UNC79: variants seen among roughly 807,000 people sequenced by gnomAD.
UNC79 encodes protein unc-79 homolog.
UNC79 carries 37 observed loss-of-function variants against 283.1 expected under a neutral mutation model. The ratio of observed to expected loss-of-function variants is 0.13; its 90% CI spans 0.10 to 0.17. The LOEUF is 0.17. Ranked by LOEUF, UNC79 falls within the 10% of genes least tolerant of loss-of-function variation. The probability of loss-of-function intolerance (pLI) is 1.00; values close to 1 mark genes in which losing one functional copy is unlikely to be tolerated. For synonymous variants in UNC79, 1,107 were observed against 1,200.2 expected, an observed-to-expected ratio of 0.92 and a Z score of 1.61; for missense variants, 2,272 against 3,211.1, an observed-to-expected ratio of 0.71 and a Z score of 7.07.
At chr14:93,506,412 G>A (rs968957466) in intron 7 of UNC79, among the ~76,000 whole-genome samples, 14 of 151,716 alleles carry the variant, frequency 9.2e-5, no homozygotes, top group African/African-American at 2.7e-4. Context: ...TAGTAGAGAC[G>A]GGATTTCACC....
rs78505493 is a variant in UNC79 at position 93,607,957 on chromosome 14, G to A, written c.3754+4539G>A. ...TTAAGATCCAGTAAGTCAGAGTACA[G>A]TTGTTTTTATAGGAATACTCTTGTT... On this transcript the variant is annotated intron_variant, in intron 26 of 48. Transcript: ENST00000555664. Among the ~76,000 whole-genome samples the A allele has an allele frequency of 6.3e-3, 954 of 152,310 alleles. 7 individuals carry two copies. The highest frequency in any genetic ancestry group is 0.022 in the African/African-American group (912 of 41,586).
At chr14:93,508,761 A>T (rs2059673115) in intron 7 of UNC79, among the ~76,000 whole-genome samples, 1 of 152,164 alleles carries the variant, frequency 6.6e-6, no homozygotes, top group African/African-American at 2.4e-5. Flanking sequence ...TTCAATTATT[A>T]GTTCTAGTAG....
intron 35 of UNC79, among the ~76,000 whole-genome samples, chr14:93,647,168 C>G (rs772816524): frequency 6.6e-6 from 1 of 152,164 alleles, no homozygotes; most frequent in Non-Finnish European, 1.5e-5. Flanking sequence ...TACAGAGAGA[C>G]TTATATAACA....
chr14:93,395,458 G>A (rs2054975274), intron 1 of UNC79, among the ~76,000 whole-genome samples: 1 of 152,178 alleles, frequency 6.6e-6, no homozygotes, highest in South Asian at 2.1e-4. Context: ...TGGAGCAGGA[G>A]AGAGAGCAAA....
chr14:93,441,553 A>T (rs1272872109), intron 1 of UNC79, among the ~76,000 whole-genome samples: 1 of 151,902 alleles, frequency 6.6e-6, no homozygotes, highest in Non-Finnish European at 1.5e-5. Flanking sequence ...GGTTAACTTT[A>T]TACTAAGACT....
intron 2 of UNC79, among the ~76,000 whole-genome samples, chr14:93,468,075 T>C (rs991427344): frequency 6.6e-6 from 1 of 152,022 alleles, no homozygotes; most frequent in East Asian, 1.9e-4. Flanking sequence ...TAATATAGAG[T>C]GGGATTAAAA....
At chr14:93,555,875 G>A (rs549710616) in intron 14 of UNC79, among the ~76,000 whole-genome samples, 1 of 152,320 alleles carries the variant, frequency 6.6e-6, no homozygotes, top group Admixed American at 6.5e-5. Context: ...GAGAAATGGT[G>A]TGAGTAAAAG....
At chr14:93,578,204 G>A (rs2063579041) in intron 18 of UNC79, 141 bp downstream of exon 18, 3 of 774,360 alleles carry the variant, frequency 3.9e-6, no homozygotes, top group East Asian at 5.4e-5. Flanking sequence ...AAACTCCTTT[G>A]GAGATTTTCT....
At chr14:93,588,891 C>CAGGAAGA (rs1333805762) in intron 22 of UNC79, among the ~76,000 whole-genome samples, 1 of 151,624 alleles carries the variant, frequency 6.6e-6, no homozygotes, top group Non-Finnish European at 1.5e-5. Flanking sequence ...GGGTGGAAAA[C>CAGGAAGA]AGGAAGAATA....
intron 1 of UNC79, among the ~76,000 whole-genome samples, chr14:93,391,118 T>A (rs1256741433): frequency 6.6e-6 from 1 of 152,090 alleles, no homozygotes; most frequent in Non-Finnish European, 1.5e-5. Context: ...TATAACTGAT[T>A]GACACAAAAA....
chr14:93,635,323 T>A (rs539202947), intron 31 of UNC79, among the ~76,000 whole-genome samples: 1 of 152,340 alleles, frequency 6.6e-6, no homozygotes, highest in East Asian at 1.9e-4. Context: ...TTCTGTTTTT[T>A]TTCTTCCATA....
chr14:93,375,798 C>T (rs1218911037), intron 1 of UNC79, among the ~76,000 whole-genome samples: 1 of 152,204 alleles, frequency 6.6e-6, no homozygotes, highest in Non-Finnish European at 1.5e-5. Flanking sequence ...CGGATTACCC[C>T]CATGATCCAA....
intron 35 of UNC79, among the ~76,000 whole-genome samples, chr14:93,652,910 CCTT>C (rs1396574162): frequency 6.6e-6 from 1 of 152,114 alleles, no homozygotes; most frequent in Non-Finnish European, 1.5e-5. Context: ...AGGGTTCTCT[CCTT>C]CTCTATTTTC....
intron 26 of UNC79, among the ~76,000 whole-genome samples, chr14:93,606,398 G>A (rs903084395): frequency 2.0e-5 from 3 of 152,148 alleles, no homozygotes; most frequent in African/African-American, 7.2e-5. Context: ...GAAATAGCTG[G>A]CTCAGTTTAT....
Position 93,690,280 on chromosome 14 carries a change from A to G in UNC79, c.7249A>G (p.Ile2417Val). 1 of 1,613,736 alleles carries G rather than the reference A, an allele frequency of 6.2e-7. No homozygotes were observed. Among genetic ancestry groups the G allele is most frequent in the African/African-American group, 1.3e-5 (1 of 75,012 alleles). ...TGCAGACCATCTTATTGTTATCCTG[A>G]TTGGATTTCCAGAGCAATCAAAGGT... is the stretch of plus-strand genomic sequence containing the variant. The change falls in exon 45 of 49, where the codon ATT becomes GTT. Residue 2417 changes from isoleucine to valine, a missense_variant. Physicochemically the swap from Ile to Val is conservative, Grantham distance 29. Around this residue, in one of 11 missense-constraint regions of UNC79, gnomAD observed 225 missense variants for 334.2 expected, o/e 0.67. Transcript: ENST00000555664. The surrounding 1 kb of genome is among the most constrained non-coding windows in gnomAD (Gnocchi z 4.3).
Position 93,539,758 on chromosome 14 carries a change from A to G in UNC79, c.1353-902A>G, listed in dbSNP as rs2061288912. On this transcript the variant is annotated intron_variant, in intron 12 of 48. Transcript: ENST00000555664. ...TTATGTTCTAATTTTATTTAAATGT[A>G]TGTTTCATTTCTATAACTGTAATCA... 2.0e-5 allele frequency among the ~76,000 whole-genome samples: 3 copies of G among 152,106 alleles called. No homozygotes were observed. In the South Asian group the frequency reaches 6.2e-4, roughly 31 times the overall value.
intron 4 of UNC79, among the ~76,000 whole-genome samples, chr14:93,486,023 A>G (rs767906477): frequency 1.3e-5 from 2 of 152,210 alleles, no homozygotes; most frequent in African/African-American, 4.8e-5. Context: ...GAAGTTATCT[A>G]TCCTTTTTGG....
At chr14:93,706,592 G>T in intron 48 of UNC79, 112 bp from the exon 52 acceptor site, 1 of 1,258,290 alleles carries the variant, frequency 7.9e-7, no homozygotes, top group Admixed American at 1.9e-5. Flanking sequence ...CTTCAGGCCA[G>T]ACAACCCTTG....
At chr14:93,532,303 C>CAAA (rs5810632) in intron 10 of UNC79, among the ~76,000 whole-genome samples, 37 of 127,538 alleles carry the variant, frequency 2.9e-4, no homozygotes, top group African/African-American at 9.4e-4. Context: ...CCCATGTCTA[C>CAAA]AAAAAAAAAA....
Sources: gnomAD v4.1 joint callset for allele counts (sites outside exome capture counted in the v4.1 genomes callset) on GRCh38, gnomAD v4.1.1 for gene constraint, gnomAD v4.1.1 regional missense constraint, Gnocchi (gnomAD v3.1) non-coding constraint, MANE v1.5 for transcripts, NCBI Gene and HGNC (gene_info 2026-07-23, HGNC 2026-07-21) for gene names.